The following CDON variants were observed in gnomAD, a reference collection of about 807,000 sequenced individuals.
CDON encodes cell adhesion molecule-related/down-regulated by oncogenes.
Under a neutral mutation model 120.9 loss-of-function variants are expected in CDON, and 73 were observed. The ratio of observed to expected loss-of-function variants is 0.60; its 90% CI spans 0.50 to 0.73. The LOEUF is 0.73. CDON is among the 30% of genes least tolerant of loss of function. The probability of loss-of-function intolerance (pLI) is 0.00; values close to 1 mark genes in which losing one functional copy is unlikely to be tolerated. For synonymous variants in CDON, 566 were observed against 573.5 expected (o/e 0.99, Z 0.19); for missense variants, 1,470 against 1,587.3 (o/e 0.93, Z 1.26).
At chr11:125,983,715 G>C (rs567398286) in intron 16 of CDON, among the ~76,000 whole-genome samples, 157 bp downstream of exon 16, 9 of 152,184 alleles carry the variant, frequency 5.9e-5, no homozygotes, top group African/African-American at 1.7e-4. Context: ...CTGACAGCTA[G>C]AACAGTTTTA....
Position 125,965,667 on chromosome 11 carries a change from A to G in CDON, c.3357-3669T>C, listed in dbSNP as rs1285314. On this transcript the variant is annotated intron_variant, in intron 18 of 19. Transcript: ENST00000531738. ...TAAAAATAAGAGTGAAGCAGGAAGAAAGCAGAGAGGGCTTTTACAAAGACT... is the reference window on the plus strand; with the variant it reads ...TAAAAATAAGAGTGAAGCAGGAAGAGAGCAGAGAGGGCTTTTACAAAGACT... Among the ~76,000 whole-genome samples the G allele has an allele frequency of 4.6e-5, 7 of 152,342 alleles. No individual in the cohort carries two copies. The East Asian group carries it at 1.2e-3, about 25-fold the overall frequency.
intron 15 of CDON, among the ~76,000 whole-genome samples, chr11:125,984,696 C>CA (rs11306066): frequency 2.3e-4 from 26 of 115,386 alleles, no homozygotes; most frequent in African/African-American, 5.2e-4. Context: ...GATTCTGTCT[C>CA]AAAAAAAAAA....
chr11:126,005,150 A>T (rs1417211578), intron 9 of CDON, among the ~76,000 whole-genome samples: 1 of 152,096 alleles, frequency 6.6e-6, no homozygotes, highest in African/African-American at 2.4e-5. Flanking sequence ...AAATACAAAA[A>T]AATTAGCCAG....
At chr11:126,011,677 T>A (rs1304265349) in intron 7 of CDON, among the ~76,000 whole-genome samples, 1 of 152,246 alleles carries the variant, frequency 6.6e-6, no homozygotes, top group African/African-American at 2.4e-5. Flanking sequence ...ACTGCTTTTC[T>A]TTTCAGCTTT....
At chr11:126,016,099 C>T (rs1947460451) in intron 6 of CDON, among the ~76,000 whole-genome samples, 1 of 152,210 alleles carries the variant, frequency 6.6e-6, no homozygotes, top group Admixed American at 6.5e-5. Flanking sequence ...CCAAAGCCCA[C>T]TTGTCATACA....
intron 1 of CDON, among the ~76,000 whole-genome samples, chr11:126,025,528 G>A (rs10458942): frequency 7.0e-5 from 7 of 99,872 alleles, no homozygotes; most frequent in East Asian, 2.5e-4. Flanking sequence ...TTTGTTTGTG[G>A]GGGGTGTGTG....
intron 6 of CDON, among the ~76,000 whole-genome samples, chr11:126,015,817 A>G (rs1947450437): frequency 6.6e-6 from 1 of 152,230 alleles, no homozygotes; most frequent in South Asian, 2.1e-4. Flanking sequence ...TTCTCTTAGC[A>G]TTTATTTCAG....
chr11:125,972,630 C>G lies in CDON; in HGVS notation c.3356+5674G>C, dbSNP rs1390266770. On this transcript the variant is annotated intron_variant, in intron 18 of 19. Transcript: ENST00000531738. ...TTTACATAATAGAGGCAACGTTTTC[C>G]CTCCAGATGGTTATTACTAAAATAG... Among the ~76,000 whole-genome samples, 3 of 152,072 alleles carry G rather than the reference C, an allele frequency of 2.0e-5. No individual in the cohort carries two copies. In the East Asian group the frequency reaches 5.8e-4, roughly 29 times the overall value.
In CDON at chr11:126,005,938, C is replaced by T. The variant is rs1947113236; in HGVS notation, c.1672G>A (p.Val558Ile). The T allele has an allele frequency of 6.2e-7, 1 of 1,614,098 alleles. No individual in the cohort carries two copies. The highest frequency in any genetic ancestry group is 8.5e-7 in the Non-Finnish European group (1 of 1,180,010). Residue 558 changes from valine (V) to isoleucine (I), a missense_variant, in exon 9 of 20, where the codon GTC (valine) becomes ATC (isoleucine). Transcript: ENST00000531738. Reference sequence around the variant, plus strand: ...GCTGATTCCACTGCACTGGGATGGACCTTCACCGGAAATGAGCTCAGTAAC... The same window carrying T: ...GCTGATTCCACTGCACTGGGATGGATCTTCACCGGAAATGAGCTCAGTAAC... Reference protein sequence around the residue: ...TGLLSSFPVKVHPSAVESAPE... With the variant: ...TGLLSSFPVKIHPSAVESAPE...
chr11:126,013,162 C>T (rs1407509596), intron 7 of CDON, among the ~76,000 whole-genome samples: 2 of 152,218 alleles, frequency 1.3e-5, no homozygotes, highest in African/African-American at 2.4e-5. Context: ...TGACACTCTA[C>T]ATTTTCAAGT....
chr11:126,050,285 C>T (rs1049242599), intron 1 of CDON, among the ~76,000 whole-genome samples: 1 of 151,508 alleles, frequency 6.6e-6, no homozygotes, highest in African/African-American at 2.4e-5. Flanking sequence ...ACACATACAA[C>T]TGTGCAATTA....
chr11:125,970,724 T>G (rs1945957697), intron 18 of CDON, among the ~76,000 whole-genome samples: 1 of 152,164 alleles, frequency 6.6e-6, no homozygotes, highest in Admixed American at 6.5e-5. Flanking sequence ...AACATGACAG[T>G]AAATGTTGAG....
intron 8 of CDON, among the ~76,000 whole-genome samples, chr11:126,009,637 G>C (rs2134623264): frequency 6.6e-6 from 1 of 152,266 alleles, no homozygotes; most frequent in African/African-American, 2.4e-5. Context: ...CAAAACTAAA[G>C]GCAGTACTGC....
intron 18 of CDON, among the ~76,000 whole-genome samples, chr11:125,964,237 T>C (rs1473755416): frequency 6.6e-6 from 1 of 152,230 alleles, no homozygotes; most frequent in Non-Finnish European, 1.5e-5. Context: ...AAACTACTAC[T>C]GCTGAGAATT....
intron 7 of CDON, 65 bp from the exon 8 acceptor site, chr11:126,010,759 C>T: frequency 3.9e-6 from 5 of 1,289,850 alleles, no homozygotes; most frequent in South Asian, 3.7e-5. Context: ...TGCAAAACAA[C>T]TTCATCCTAT....
At chr11:125,966,401 A>T (rs956814190) in intron 18 of CDON, among the ~76,000 whole-genome samples, 1 of 152,200 alleles carries the variant, frequency 6.6e-6, no homozygotes, top group Non-Finnish European at 1.5e-5. Context: ...AGGCGAACAG[A>T]GGATTGCTGA....
intron 1 of CDON, among the ~76,000 whole-genome samples, chr11:126,041,862 T>A (rs1325524542): frequency 6.6e-6 from 1 of 152,210 alleles, no homozygotes; most frequent in Non-Finnish European, 1.5e-5. Flanking sequence ...TTGTTCCCTG[T>A]CAATATTAGG....
At chr11:126,006,528 C>T (rs1476550333) in intron 8 of CDON, among the ~76,000 whole-genome samples, 2 of 151,908 alleles carry the variant, frequency 1.3e-5, no homozygotes, top group South Asian at 2.1e-4. Flanking sequence ...ATTACCCAGG[C>T]GTGGTGGCGC....
chr11:126,044,805 G>C (rs907313728), intron 1 of CDON, among the ~76,000 whole-genome samples: 2 of 152,034 alleles, frequency 1.3e-5, no homozygotes, highest in Admixed American at 6.6e-5. Context: ...TAATTAGATA[G>C]AATGAATAAA....
Sources: gnomAD v4.1 joint callset for allele counts (sites outside exome capture counted in the v4.1 genomes callset) on GRCh38, gnomAD v4.1.1 for gene constraint, MANE v1.5 for transcripts, NCBI Gene and HGNC (gene_info 2026-07-23, HGNC 2026-07-21) for gene names.